Variants in KLRG1 observed in about 807,000 individuals in gnomAD.
KLRG1 encodes killer cell lectin like receptor G1.
Under a neutral mutation model 21.8 loss-of-function variants are expected in KLRG1, and 16 were observed. That is an observed-to-expected ratio of 0.73 (90% CI 0.50 to 1.11). The LOEUF (loss-of-function observed/expected upper bound fraction) is 1.11, where lower values mean the gene tolerates loss of function less well. Ranked by LOEUF, KLRG1 falls within the 50% of genes most tolerant of loss-of-function variation. The pLI, the probability that KLRG1 is intolerant of heterozygous loss-of-function variation, is 0.00. For missense variants in KLRG1, 173 were observed against 218.3 expected, an observed-to-expected ratio of 0.79 and a Z score of 1.31; for synonymous variants, 69 against 75.9, an observed-to-expected ratio of 0.91 and a Z score of 0.47.
chr12:9,169,305 A>G, the KLRG1 span: 3 of 1,001,992 alleles, frequency 3.0e-6, no homozygotes, highest in South Asian at 2.0e-5. Context: ...TATTGGCTTC[A>G]TTTTTGTCTG....
downstream of KLRG1, among the ~76,000 whole-genome samples, chr12:9,014,994 TA>T (rs932576280): frequency 6.7e-6 from 1 of 150,086 alleles, no homozygotes; most frequent in East Asian, 1.9e-4. Flanking sequence ...TAACCTCAAA[TA>T]AAAAAACATA....
chr12:9,038,788 A>C, the KLRG1 span, among the ~76,000 whole-genome samples: 1 of 151,758 alleles, frequency 6.6e-6, no homozygotes, highest in African/African-American at 2.4e-5. Context: ...AATCCCAGCT[A>C]CTCGGGAGGC....
chr12:9,066,675 A>T, the KLRG1 span: 1 of 152,224 alleles, frequency 6.6e-6, no homozygotes, highest in African/African-American at 2.4e-5. Flanking sequence ...CATAATGCTG[A>T]TATGTTAATT....
chr12:8,957,782 A>G (rs1333834887), intron 1 of KLRG1, among the ~76,000 whole-genome samples: 2 of 152,194 alleles, frequency 1.3e-5, no homozygotes, highest in African/African-American at 2.4e-5. Context: ...GGGGTGATTT[A>G]TGTCCCAGGT....
chr12:9,112,106 T>C, the KLRG1 span: 14 of 1,570,816 alleles, frequency 8.9e-6, no homozygotes, highest in Non-Finnish European at 1.1e-5. Context: ...AAAAAACAGG[T>C]TCCCAGCCTG....
the KLRG1 span, chr12:9,162,586 T>A: frequency 6.4e-7 from 1 of 1,562,036 alleles, no homozygotes; most frequent in Non-Finnish European, 8.8e-7. Flanking sequence ...ATTATGAAGA[T>A]GGACTCTTAC....
At chr12:8,993,256 T>G (rs1454669210) in intron 2 of KLRG1, among the ~76,000 whole-genome samples, 1 of 152,042 alleles carries the variant, frequency 6.6e-6, no homozygotes, top group Non-Finnish European at 1.5e-5. Flanking sequence ...AGTGACCGAT[T>G]ACACAGAAGT....
the KLRG1 span, chr12:9,201,189 A>G: frequency 1.5e-6 from 2 of 1,371,554 alleles, no homozygotes. Flanking sequence ...GAGAAAATAC[A>G]ATCAACCTGA....
chr12:9,019,492 A>G, the KLRG1 span, among the ~76,000 whole-genome samples: 1 of 152,240 alleles, frequency 6.6e-6, no homozygotes, highest in Non-Finnish European at 1.5e-5. Context: ...AGCACTATTC[A>G]CAATAGCCAA....
the KLRG1 span, among the ~76,000 whole-genome samples, chr12:9,191,303 T>G: frequency 1.3e-5 from 2 of 152,076 alleles, no homozygotes; most frequent in African/African-American, 4.8e-5. Context: ...TGAAGAACAA[T>G]GTACACAGTG....
At chr12:9,095,787 C>T in the KLRG1 span, 8 of 1,207,506 alleles carry the variant, frequency 6.6e-6, no homozygotes, top group Non-Finnish European at 7.6e-6. Context: ...GAGTCTCGCT[C>T]TGTCGCCCAG....
chr12:9,021,394 T>C, the KLRG1 span, among the ~76,000 whole-genome samples: 7 of 143,988 alleles, frequency 4.9e-5, no homozygotes, highest in Non-Finnish European at 9.1e-5. Context: ...TTTTAAAAAC[T>C]TTTTTACTCT....
chr12:9,183,101 G>T, the KLRG1 span, among the ~76,000 whole-genome samples: 1 of 152,048 alleles, frequency 6.6e-6, no homozygotes, highest in African/African-American at 2.4e-5. Flanking sequence ...AACTATAATT[G>T]ATTTTATTTT....
the KLRG1 span, chr12:9,079,455 G>A: frequency 1.7e-6 from 2 of 1,164,650 alleles, no homozygotes; most frequent in South Asian, 1.4e-5. Flanking sequence ...TAGATTAGGA[G>A]TTTCTGAGCC....
chr12:8,980,548 G>A (rs899681160), intron 1 of KLRG1, among the ~76,000 whole-genome samples: 5 of 152,184 alleles, frequency 3.3e-5, no homozygotes, highest in African/African-American at 1.2e-4. Flanking sequence ...GCTGGGTGAG[G>A]TGCATGGTGC....
At chr12:9,108,763 G>A in the KLRG1 span, among the ~76,000 whole-genome samples, 51 of 100,850 alleles carry the variant, frequency 5.1e-4, no homozygotes, top group African/African-American at 2.6e-3. Flanking sequence ...GAGAAATCAC[G>A]TTCAGTCTCT....
the KLRG1 span, chr12:9,202,254 T>C: frequency 4.4e-6 from 6 of 1,375,724 alleles, no homozygotes; most frequent in African/African-American, 7.2e-5. Flanking sequence ...TGTACCTTTC[T>C]ACCTCACTCT....
chr12:9,183,303 G>GT, the KLRG1 span, among the ~76,000 whole-genome samples: 45 of 152,228 alleles, frequency 3.0e-4, 1 homozygote, highest in African/African-American at 1.0e-3. Context: ...ACACAAATGA[G>GT]TAAGTAGGTG....
chr12:9,044,564 G>A, the KLRG1 span, among the ~76,000 whole-genome samples: 2 of 152,114 alleles, frequency 1.3e-5, no homozygotes, highest in Non-Finnish European at 2.9e-5. Flanking sequence ...CTACCTGGGA[G>A]GCTGAGGCAG....
Sources: allele counts gnomAD v4.1 joint callset (sites outside exome capture counted in the v4.1 genomes callset), GRCh38; gene constraint gnomAD v4.1.1; transcripts MANE v1.5; gene names NCBI Gene and HGNC (gene_info 2026-07-23, HGNC 2026-07-21).